Variants in DOCK2 observed in about 807,000 individuals in gnomAD.
DOCK2 encodes dedicator of cytokinesis protein 2.
DOCK2 carries 87 observed loss-of-function variants against 248.9 expected under a neutral mutation model. The observed-to-expected ratio is 0.35, with a 90% CI of 0.29 to 0.42. The LOEUF (loss-of-function observed/expected upper bound fraction) is 0.42. DOCK2 is among the 10% of genes least tolerant of loss of function. The probability of loss-of-function intolerance (pLI) is 1.00; values close to 1 mark genes in which losing one functional copy is unlikely to be tolerated. For missense variants in DOCK2, 1,747 were observed against 2,300.2 expected (o/e 0.76, Z 4.92); for synonymous variants, 805 against 821.6 (o/e 0.98, Z 0.35).
chr5:170,016,719 A>G (rs541714642), intron 32 of DOCK2, among the ~76,000 whole-genome samples: 2 of 152,362 alleles, frequency 1.3e-5, no homozygotes, highest in African/African-American at 4.8e-5. Context: ...CCTTTGTTGC[A>G]TAAGCAATTT....
intron 17 of DOCK2, 36 bp from the exon 18 acceptor site, chr5:169,713,992 C>A: frequency 6.4e-7 from 1 of 1,554,106 alleles, no homozygotes; most frequent in Non-Finnish European, 8.7e-7. Flanking sequence ...GGGCATGGAG[C>A]CTTGGCTTGG....
intron 27 of DOCK2, among the ~76,000 whole-genome samples, chr5:169,859,987 T>C (rs1771105032): frequency 6.7e-6 from 1 of 149,962 alleles, no homozygotes; most frequent in Admixed American, 6.6e-5. Flanking sequence ...TTTTTTTTTT[T>C]TGAGACAGAC....
chr5:169,923,347 A>G (rs942011130), intron 27 of DOCK2, among the ~76,000 whole-genome samples: 3 of 152,202 alleles, frequency 2.0e-5, no homozygotes, highest in Non-Finnish European at 4.4e-5. Context: ...TTTATGTGTT[A>G]CTTTCCTAAT....
intron 2 of DOCK2, among the ~76,000 whole-genome samples, chr5:169,655,867 G>A (rs1039655886): frequency 6.6e-6 from 1 of 152,156 alleles, no homozygotes; most frequent in Non-Finnish European, 1.5e-5. Flanking sequence ...TGAGAACTTT[G>A]TTCATCTTCC....
chr5:169,918,217 A>G (rs921089885), intron 27 of DOCK2, among the ~76,000 whole-genome samples: 1 of 152,210 alleles, frequency 6.6e-6, no homozygotes, highest in African/African-American at 2.4e-5. Context: ...GAGACTGCAC[A>G]TCCTGTTTTG....
chr5:169,915,423 C>T (rs978966956), intron 27 of DOCK2, among the ~76,000 whole-genome samples: 2 of 152,076 alleles, frequency 1.3e-5, no homozygotes, highest in African/African-American at 4.8e-5. Flanking sequence ...TGGTGGAAAA[C>T]TGAAAACCAA....
At chr5:170,082,575 G>C (rs574823928) in intron 51 of DOCK2, among the ~76,000 whole-genome samples, 1 of 152,290 alleles carries the variant, frequency 6.6e-6, no homozygotes, top group Admixed American at 6.5e-5. Context: ...CACAGGGTTT[G>C]GTAAGTGAGG....
At position 169,763,087 on chromosome 5, in the gene DOCK2, G is replaced by A. The variant is rs576056024; in HGVS notation, c.2554+1462G>A. Among the ~76,000 whole-genome samples the A allele has an allele frequency of 6.6e-6, 1 of 152,340 alleles. No individual in the cohort carries two copies. Among genetic ancestry groups the A allele is most frequent in the East Asian group, 1.9e-4 (1 of 5,190 alleles). On this transcript the variant is annotated intron_variant, in intron 25 of 51. Coordinates refer to ENST00000520908, the MANE Select transcript of DOCK2 (RefSeq NM_004946.3). This position sits in a 1 kb window ranked among gnomAD's most constrained non-coding sequence, Gnocchi z 4.1. ...TTCCTGACCCTTTAGACAGATATGT[G>A]ACAACAGATTAATCCAATAAATATG...
At chr5:169,922,139 G>A (rs911047688) in intron 27 of DOCK2, among the ~76,000 whole-genome samples, 1 of 152,176 alleles carries the variant, frequency 6.6e-6, no homozygotes, top group African/African-American at 2.4e-5. Flanking sequence ...CTGCAGTAAT[G>A]TCAGTCATCA....
At chr5:169,964,873 T>C (rs1777237533) in intron 27 of DOCK2, among the ~76,000 whole-genome samples, 1 of 152,268 alleles carries the variant, frequency 6.6e-6, no homozygotes, top group Non-Finnish European at 1.5e-5. Context: ...GCTTAGCTAG[T>C]ATCTGGCACA....
chr5:169,719,981 C>T (rs969946987), intron 22 of DOCK2, among the ~76,000 whole-genome samples: 2 of 151,734 alleles, frequency 1.3e-5, no homozygotes, highest in Non-Finnish European at 2.9e-5. Flanking sequence ...GCTGCTAAAG[C>T]TTTATATTTG....
chr5:169,835,443 C>T (rs1004236191), intron 26 of DOCK2, among the ~76,000 whole-genome samples: 6 of 151,732 alleles, frequency 4.0e-5, no homozygotes, highest in South Asian at 2.1e-4. Flanking sequence ...TTAGTAGAGA[C>T]GGGGTTTCAC....
At chr5:169,925,631 C>T (rs975961342) in intron 27 of DOCK2, among the ~76,000 whole-genome samples, 13 of 146,522 alleles carry the variant, frequency 8.9e-5, no homozygotes, top group African/African-American at 3.1e-4. Flanking sequence ...GTAATCCCAG[C>T]AGCTCTGCCA....
intron 27 of DOCK2, chr5:169,883,012 T>G: frequency 6.4e-7 from 1 of 1,551,762 alleles, no homozygotes; most frequent in Non-Finnish European, 8.7e-7. Context: ...TTCCTTTGAC[T>G]GAGATGACAG....
chr5:169,667,449 G>C (rs1410454290), intron 2 of DOCK2, among the ~76,000 whole-genome samples: 1 of 152,224 alleles, frequency 6.6e-6, no homozygotes, highest in Non-Finnish European at 1.5e-5. Flanking sequence ...TTAAATGAGA[G>C]AATGCCTGTA....
chr5:169,720,664 G>A (rs1486206894), intron 22 of DOCK2, among the ~76,000 whole-genome samples: 1 of 152,142 alleles, frequency 6.6e-6, no homozygotes, highest in Admixed American at 6.5e-5. Flanking sequence ...CCTTCCTACT[G>A]GAAGGCACAT....
At chr5:169,997,851 G>C (rs1358223764) in intron 30 of DOCK2, 3 of 448,920 alleles carry the variant, frequency 6.7e-6, no homozygotes, top group Admixed American at 2.4e-5. Context: ...CATCTAAGTT[G>C]TTCAGTTCCT....
At chr5:169,735,971 A>AGG (rs1472954403) in intron 22 of DOCK2, among the ~76,000 whole-genome samples, 32 of 151,790 alleles carry the variant, frequency 2.1e-4, no homozygotes, top group African/African-American at 7.7e-4. Context: ...AGAGAGAGAG[A>AGG]GGGAGAGAGA....
At chr5:169,765,316 A>G (rs936428488) in intron 25 of DOCK2, among the ~76,000 whole-genome samples, 1 of 152,214 alleles carries the variant, frequency 6.6e-6, no homozygotes, top group Non-Finnish European at 1.5e-5. Flanking sequence ...GTAAGGAGTC[A>G]TCACCAGCCA....
Sources: gnomAD v4.1 joint callset for allele counts (sites outside exome capture counted in the v4.1 genomes callset) on GRCh38, gnomAD v4.1.1 for gene constraint, Gnocchi (gnomAD v3.1) non-coding constraint, MANE v1.5 for transcripts, NCBI Gene and HGNC (gene_info 2026-07-23, HGNC 2026-07-21) for gene names.